The following FRAS1 variants were observed in gnomAD, a reference collection of about 807,000 sequenced individuals.
FRAS1 encodes the protein Fraser extracellular matrix complex subunit 1.
In FRAS1, 290 loss-of-function variants were observed where a neutral mutation model predicts 435.2. The ratio of observed to expected loss-of-function variants is 0.67; its 90% CI spans 0.61 to 0.73. FRAS1 has a LOEUF of 0.73. FRAS1 is among the 30% of genes least tolerant of loss of function. The pLI, the probability that FRAS1 is intolerant of heterozygous loss-of-function variation, is 0.00. For synonymous variants in FRAS1, 1,800 were observed against 1,851.0 expected, an observed-to-expected ratio of 0.97 and a Z score of 0.71; for missense variants, 4,860 against 5,001.5, an observed-to-expected ratio of 0.97 and a Z score of 0.85.
intron 61 of FRAS1, among the ~76,000 whole-genome samples, chr4:78,501,539 C>T (rs1322354470): frequency 6.6e-6 from 1 of 152,102 alleles, no homozygotes; most frequent in African/African-American, 2.4e-5. Flanking sequence ...GAGGAATTGC[C>T]ACACTGTCTT....
Position 78,379,913 on chromosome 4 carries a change from T to A in FRAS1, c.3480T>A (p.Val1160=), listed in dbSNP as rs369620555. Residue 1160 remains valine, a synonymous_variant, in exon 27 of 74, where the codon GTT becomes GTA. Coordinates refer to ENST00000512123, the MANE Select transcript of FRAS1 (RefSeq NM_025074.7). ...TGCTCTCAAGAAATGGAAAAGAGGT[T>A]CAGCTGGACAAGGCTGGCCGTTTTA... ...QLVLSRNGKE[V]QLDKAGRFSW... The A allele has an allele frequency of 1.2e-6, 2 of 1,613,482 alleles. No homozygotes were observed. Among genetic ancestry groups the A allele is most frequent in the African/African-American group, 2.7e-5 (2 of 74,904 alleles).
chr4:78,165,055 C>T (rs1721281158), intron 2 of FRAS1, among the ~76,000 whole-genome samples: 1 of 152,072 alleles, frequency 6.6e-6, no homozygotes, highest in Admixed American at 6.6e-5. Flanking sequence ...CTCTTGTTTC[C>T]CTACAAATGA....
At position 78,470,093 on chromosome 4, in the gene FRAS1, T is replaced by C. The variant is rs2109850407; in HGVS notation, c.7371+2T>C. 6.3e-7 allele frequency: 1 copy of C among 1,597,996 alleles called. No individual in the cohort carries two copies. The highest frequency in any genetic ancestry group is 8.6e-7 in the Non-Finnish European group (1 of 1,166,338). The stretch of plus-strand genomic sequence containing the variant: ...TGGCTGGAATACATGGATGGCAAGG[T>C]AAGGCCTGTCCCTCTGTCATGTTCA... On this transcript the variant is annotated splice_donor_variant, in intron 51 of 73. Coordinates refer to ENST00000512123, the MANE Select transcript of FRAS1 (RefSeq NM_025074.7). LOFTEE classifies it high-confidence loss of function.
chr4:78,132,698 G>A (rs1283790890), intron 2 of FRAS1, among the ~76,000 whole-genome samples: 2 of 152,278 alleles, frequency 1.3e-5, no homozygotes, highest in Middle Eastern at 6.8e-3. Context: ...TTTTCACTAA[G>A]AAAGAACAAA....
chr4:78,438,932 TCTGGTTA>T lies in FRAS1; in HGVS notation c.5401_5407del (p.Val1801IlefsTer23). ...CAGCTGTGTTTGAAACTGATGGTCATCTGGTTACTGATAGCTTCTATTTCTCTGTCTC... is the reference window on the plus strand; with the variant it reads ...CAGCTGTGTTTGAAACTGATGGTCATCTGATAGCTTCTATTTCTCTGTCTC... On this transcript the variant is annotated frameshift_variant, in exon 40 of 74. Coordinates refer to ENST00000512123, the MANE Select transcript of FRAS1 (RefSeq NM_025074.7). LOFTEE classifies it high-confidence loss of function. The T allele has an allele frequency of 6.2e-7, 1 of 1,611,102 alleles. No homozygotes were observed. Among genetic ancestry groups the T allele is most frequent in the Non-Finnish European group, 8.5e-7 (1 of 1,179,328 alleles).
intron 2 of FRAS1, among the ~76,000 whole-genome samples, chr4:78,097,709 C>T (rs1741882059): frequency 6.6e-6 from 1 of 152,212 alleles, no homozygotes; most frequent in African/African-American, 2.4e-5. Flanking sequence ...GTTATCTCCA[C>T]TGGGTGCCTC....
chr4:78,478,169 T>C (rs1333152740), intron 55 of FRAS1, 108 bp downstream of exon 55: 5 of 1,214,324 alleles, frequency 4.1e-6, no homozygotes, highest in Non-Finnish European at 5.7e-6. Flanking sequence ...CTCACATGTG[T>C]ACTTTCCACT....
intron 11 of FRAS1, 102 bp from the exon 12 acceptor site, chr4:78,282,718 C>T (rs1334528184): frequency 7.5e-7 from 1 of 1,326,160 alleles, no homozygotes. Context: ...TGATTAGCTG[C>T]CTTCACTTTG....
chr4:78,156,946 C>G (rs1201361600), intron 2 of FRAS1, among the ~76,000 whole-genome samples: 1 of 152,184 alleles, frequency 6.6e-6, no homozygotes, highest in Non-Finnish European at 1.5e-5. Context: ...CCCACACACT[C>G]CTGCGCCCAG....
chr4:78,364,100 C>G, intron 22 of FRAS1, 46 bp downstream of exon 22: 6 of 1,534,586 alleles, frequency 3.9e-6, no homozygotes, highest in Non-Finnish European at 5.3e-6. Context: ...CTTTTCCTGC[C>G]TTTCTGGAGC....
In FRAS1 at chr4:78,511,395, G is replaced by A. The variant is rs772311133; in HGVS notation, c.9902G>A (p.Ser3301Asn). The A allele has an allele frequency of 8.1e-6, 13 of 1,614,000 alleles. No homozygotes were observed. Among genetic ancestry groups the A allele is most frequent in the Non-Finnish European group, 1.1e-5 (13 of 1,179,870 alleles). ...RSNIVTIGTD[S>N]AICHTPVVAG... ...AACATTGTTACCATTGGAACAGACA[G>A]TGCTATCTGCCACACACCAGTGGTG... Residue 3301 changes from serine (S) to asparagine (N), a missense_variant, in exon 64 of 74, where the codon AGT (serine) becomes AAT (asparagine). Coordinates refer to ENST00000512123, the MANE Select transcript of FRAS1 (RefSeq NM_025074.7).
chr4:78,469,997 AG>A lies in FRAS1; in HGVS notation c.7278del (p.Gln2426HisfsTer5), dbSNP rs1719653228. The A allele has an allele frequency of 6.2e-7, 1 of 1,613,506 alleles. No homozygotes were observed. The highest frequency in any genetic ancestry group is 2.2e-5 in the East Asian group (1 of 44,822). The part of the protein sequence containing the change: ...GGKEIMTAAP[Q>X]PFRVDILPVD... ...CTTCAGATTATGACAGCAGCACCTC[AG>A]CCGTTCCGAGTAGACATCCTCCCGG... On this transcript the variant is annotated frameshift_variant, in exon 51 of 74. Transcript: ENST00000512123. LOFTEE classifies it high-confidence loss of function.
At chr4:78,109,447 A>T (rs1161313671) in intron 2 of FRAS1, among the ~76,000 whole-genome samples, 1 of 151,964 alleles carries the variant, frequency 6.6e-6, no homozygotes, top group East Asian at 1.9e-4. Flanking sequence ...GGTTCAACAT[A>T]CGAAAATCAA....
At chr4:78,118,470 G>T (rs927094771) in intron 2 of FRAS1, among the ~76,000 whole-genome samples, 4 of 152,212 alleles carry the variant, frequency 2.6e-5, no homozygotes, top group African/African-American at 9.7e-5. Flanking sequence ...TTGAGCTGCA[G>T]ATCGAGCTTC....
chr4:78,366,671 T>A (rs1184565417), intron 22 of FRAS1, among the ~76,000 whole-genome samples: 1 of 152,192 alleles, frequency 6.6e-6, no homozygotes, highest in East Asian at 1.9e-4. Flanking sequence ...TTACAGCACA[T>A]CCCAGCTTCC....
At chr4:78,117,423 G>T (rs776817163) in intron 2 of FRAS1, among the ~76,000 whole-genome samples, 1 of 152,204 alleles carries the variant, frequency 6.6e-6, no homozygotes, top group East Asian at 1.9e-4. Context: ...ATCCTGCAGA[G>T]TGTTTTCCAA....
At chr4:78,327,473 A>G (rs1442021357) in intron 18 of FRAS1, among the ~76,000 whole-genome samples, 1 of 152,218 alleles carries the variant, frequency 6.6e-6, no homozygotes, top group Non-Finnish European at 1.5e-5. Context: ...GGTTGTTTGA[A>G]ATATACATGG....
At chr4:78,443,613 G>A (rs1407316105) in intron 41 of FRAS1, among the ~76,000 whole-genome samples, 4 of 152,184 alleles carry the variant, frequency 2.6e-5, no homozygotes, top group Non-Finnish European at 2.9e-5. Flanking sequence ...CACAATGATC[G>A]CCTGTGCGCA....
At chr4:78,343,483 G>T (rs1398141030) in intron 20 of FRAS1, among the ~76,000 whole-genome samples, 3 of 150,624 alleles carry the variant, frequency 2.0e-5, no homozygotes, top group Non-Finnish European at 4.4e-5. Context: ...TTCTCTGTGG[G>T]CAGGCAGAGA....
Sources: gnomAD v4.1 joint callset for allele counts (sites outside exome capture counted in the v4.1 genomes callset) on GRCh38, gnomAD v4.1.1 for gene constraint, MANE v1.5 for transcripts, NCBI Gene and HGNC (gene_info 2026-07-23, HGNC 2026-07-21) for gene names.